The following ABHD2 variants were observed in gnomAD, a reference collection of about 807,000 sequenced individuals.
ABHD2 encodes the protein monoacylglycerol lipase ABHD2.
Under a neutral mutation model 48.1 loss-of-function variants are expected in ABHD2, and 20 were observed. The ratio of observed to expected loss-of-function variants is 0.42; its 90% CI spans 0.29 to 0.60. The LOEUF (loss-of-function observed/expected upper bound fraction) is 0.60, where lower values mean the gene tolerates loss of function less well. ABHD2 is among the 20% of genes least tolerant of loss of function. The pLI, the probability that ABHD2 is intolerant of heterozygous loss-of-function variation, is 0.24. For synonymous variants in ABHD2, 209 were observed against 214.2 expected (o/e 0.98, Z 0.21); for missense variants, 405 against 550.9 (o/e 0.74, Z 2.65).
chr15:89,069,127 T>C, the ABHD2 span, among the ~76,000 whole-genome samples: 54,499 of 131,196 alleles, frequency 0.42, 12,652 homozygotes, highest in Non-Finnish European at 0.55. Flanking sequence ...CTTTTCTTTT[T>C]TTTTTTTTTT....
At chr15:89,115,469 T>C (rs1278205547) in intron 2 of ABHD2, among the ~76,000 whole-genome samples, 3 of 150,612 alleles carry the variant, frequency 2.0e-5, no homozygotes, top group Non-Finnish European at 4.4e-5. Context: ...AAGAGAAATA[T>C]TGGGAGAGCT....
At chr15:89,154,806 C>T (rs1179388021) in intron 4 of ABHD2, among the ~76,000 whole-genome samples, 2 of 152,190 alleles carry the variant, frequency 1.3e-5, no homozygotes, top group Non-Finnish European at 2.9e-5. Context: ...AGATTGTGTT[C>T]AGCCATATGC....
chr15:89,061,800 C>G, the ABHD2 span, among the ~76,000 whole-genome samples: 1 of 152,250 alleles, frequency 6.6e-6, no homozygotes, highest in South Asian at 2.1e-4. Context: ...TCTTGAACTC[C>G]TGGGCTTAAG....
chr15:89,117,060 C>T (rs889064980), intron 3 of ABHD2, among the ~76,000 whole-genome samples: 1 of 152,116 alleles, frequency 6.6e-6, no homozygotes, highest in African/African-American at 2.4e-5. Context: ...GAGTCTTGCT[C>T]AGTCACTCAG....
chr15:89,200,937 C>T lies in ABHD2; in HGVS notation c.*5514C>T. On this transcript the variant is annotated 3_prime_UTR_variant, in exon 11 of 11. Coordinates refer to ENST00000352732, the MANE Select transcript of ABHD2 (RefSeq NM_152924.5). ...TCTCTACTAAAAATGCAAAAATTAG[C>T]TGGGTGTGGTGGCGGGCGCCTGTAA... 2.2e-6 allele frequency: 1 copy of T among 450,264 alleles called. No homozygotes were observed. Among genetic ancestry groups the T allele is most frequent in the Non-Finnish European group, 4.0e-6 (1 of 252,068 alleles). The allele number at this position is 450,264 out of a possible 1,614,324, so 27.9% of individuals were successfully genotyped here.
At chr15:89,138,491 A>T (rs1210852584) in intron 3 of ABHD2, among the ~76,000 whole-genome samples, 1 of 152,238 alleles carries the variant, frequency 6.6e-6, no homozygotes, top group African/African-American at 2.4e-5. Context: ...TTTTGTTAAC[A>T]TTCTGGCCTT....
the ABHD2 span, among the ~76,000 whole-genome samples, chr15:89,077,335 A>G: frequency 6.6e-6 from 1 of 152,264 alleles, no homozygotes; most frequent in East Asian, 1.9e-4. Context: ...CCAATGCTGC[A>G]TAGTATTCCA....
chr15:89,201,387 TG>T lies in ABHD2; in HGVS notation c.*5967del, dbSNP rs762427318. 2 of 1,153,040 alleles carry T rather than the reference TG, an allele frequency of 1.7e-6. No homozygotes were observed. The highest frequency in any genetic ancestry group is 2.6e-6 in the Non-Finnish European group (2 of 772,440). The allele number at this position is 1,153,040 out of a possible 1,614,324, so 71.4% of individuals were successfully genotyped here. ...GATGCATTCAGTGGGACAGCTTTGC[TG>T]GGTTCCATGTCATTCAATTTATCAT... On this transcript the variant is annotated 3_prime_UTR_variant, in exon 11 of 11. Coordinates refer to ENST00000352732, the MANE Select transcript of ABHD2 (RefSeq NM_152924.5).
rs148427125 is a variant in ABHD2 at position 89,194,390 on chromosome 15, G to T, written c.1082-837G>T. On this transcript the variant is annotated intron_variant, in intron 10 of 10. Transcript: ENST00000352732. Reference sequence around the variant, plus strand: ...GGTACATGCTACTGGAGAGGCTGAGGCATGAGAATCGCTTGAACCCGAGAG... The same window carrying T: ...GGTACATGCTACTGGAGAGGCTGAGTCATGAGAATCGCTTGAACCCGAGAG... Among the ~76,000 whole-genome samples the T allele has an allele frequency of 3.2e-3, 486 of 152,188 alleles. 3 individuals carry two copies. The highest frequency in any genetic ancestry group is 0.011 in the African/African-American group (451 of 41,502).
chr15:89,123,980 A>G (rs1260194909), intron 3 of ABHD2, among the ~76,000 whole-genome samples: 2 of 152,000 alleles, frequency 1.3e-5, no homozygotes, highest in African/African-American at 2.4e-5. Flanking sequence ...CTCCCTCTCT[A>G]TTGCTGTTGT....
chr15:89,109,153 C>A (rs891709109), intron 1 of ABHD2, among the ~76,000 whole-genome samples: 3 of 152,142 alleles, frequency 2.0e-5, no homozygotes, highest in Non-Finnish European at 4.4e-5. Context: ...GAAAATAATG[C>A]TTTTAGCCAG....
In ABHD2 at chr15:89,185,606, C is replaced by T; in HGVS notation, c.815+90C>T. On this transcript the variant is annotated intron_variant, in intron 7 of 10. Coordinates refer to ENST00000352732, the MANE Select transcript of ABHD2 (RefSeq NM_152924.5). This position sits in a 1 kb window ranked among gnomAD's most constrained non-coding sequence, Gnocchi z 5.9. ...TGAAAAGCCAGGACTCCTGTTCCTT[C>T]AGGGGAAAAAAAAAAATGCAGGTGT... is the stretch of plus-strand genomic sequence containing the variant. 4.4e-6 allele frequency: 5 copies of T among 1,143,892 alleles called. No individual in the cohort carries two copies. The highest frequency in any genetic ancestry group is 6.4e-6 in the Non-Finnish European group (5 of 785,534). 70.9% of individuals were successfully genotyped at this position (1,143,892 alleles called of 1,614,324 possible).
chr15:89,043,684 AGGG>A, the ABHD2 span, among the ~76,000 whole-genome samples: 1 of 107,732 alleles, frequency 9.3e-6, no homozygotes, highest in Non-Finnish European at 1.9e-5. Flanking sequence ...GAGAAGGAGG[AGGG>A]GGAGGAGGAG....
the ABHD2 span, among the ~76,000 whole-genome samples, chr15:89,049,218 G>A: frequency 3.9e-5 from 6 of 152,210 alleles, no homozygotes; most frequent in African/African-American, 1.2e-4. Flanking sequence ...AGGCATCAGG[G>A]ACCCACTTGA....
chr15:89,185,380 C>T lies in ABHD2; in HGVS notation c.723-44C>T. On this transcript the variant is annotated intron_variant, in intron 6 of 10. Coordinates refer to ENST00000352732, the MANE Select transcript of ABHD2 (RefSeq NM_152924.5). This position sits in a 1 kb window ranked among gnomAD's most constrained non-coding sequence, Gnocchi z 5.9. ...GAGCCCCCTCCTGGCTGCCCGCCTG[C>T]ACCCCCACACCGCAGTCACCCTCAC... 3.2e-6 allele frequency: 5 copies of T among 1,557,664 alleles called. No individual in the cohort carries two copies. Among genetic ancestry groups the T allele is most frequent in the Non-Finnish European group, 4.4e-6 (5 of 1,130,780 alleles).
chr15:89,157,270 C>G (rs554361472), intron 5 of ABHD2, among the ~76,000 whole-genome samples: 2 of 152,308 alleles, frequency 1.3e-5, no homozygotes, highest in African/African-American at 4.8e-5. Flanking sequence ...ATTGCAGAGT[C>G]AACATTTTTT....
chr15:89,054,772 T>A, the ABHD2 span, among the ~76,000 whole-genome samples: 1 of 152,182 alleles, frequency 6.6e-6, no homozygotes, highest in Non-Finnish European at 1.5e-5. Flanking sequence ...CTCAAAGTCT[T>A]TTATTCTCTG....
rs1414572393 is a variant in ABHD2, at chr15:89,168,193, G to GA, written c.539-7614dup. 6.6e-6 allele frequency among the ~76,000 whole-genome samples: 1 copy of GA among 152,170 alleles called. No individual in the cohort carries two copies. The highest frequency in any genetic ancestry group is 1.5e-5 in the Non-Finnish European group (1 of 68,028). On this transcript the variant is annotated intron_variant, in intron 5 of 10. Coordinates refer to ENST00000352732, the MANE Select transcript of ABHD2 (RefSeq NM_152924.5). This position sits in a 1 kb window ranked among gnomAD's most constrained non-coding sequence, Gnocchi z 4.8. ...TCCTTCTTTAGGTGTAGGGGCTTGA[G>GA]AAAAAGGTGAGGGGTCTTTTCTGTT...
At chr15:89,052,627 G>C in the ABHD2 span, among the ~76,000 whole-genome samples, 1 of 151,850 alleles carries the variant, frequency 6.6e-6, no homozygotes, top group Non-Finnish European at 1.5e-5. Flanking sequence ...GGCAGAGATT[G>C]GGCAATGTTT....
Sources: allele counts gnomAD v4.1 joint callset (sites outside exome capture counted in the v4.1 genomes callset), GRCh38; gene constraint gnomAD v4.1.1; non-coding constraint Gnocchi (gnomAD v3.1); transcripts MANE v1.5; gene names NCBI Gene and HGNC (gene_info 2026-07-23, HGNC 2026-07-21).